Variants in BMPR1B observed in about 807,000 individuals in gnomAD.
BMPR1B encodes bone morphogenetic protein receptor type 1B, also known as bone morphogenetic protein receptor type-1B.
BMPR1B carries 12 observed loss-of-function variants against 59.1 expected under a neutral mutation model. The ratio of observed to expected loss-of-function variants is 0.20; its 90% CI spans 0.13 to 0.33. The LOEUF is 0.33. Ranked by LOEUF, BMPR1B falls within the 10% of genes least tolerant of loss-of-function variation. The pLI, the probability that BMPR1B is intolerant of heterozygous loss-of-function variation, is 1.00. For missense variants in BMPR1B, 550 were observed against 610.9 expected (o/e 0.90, Z 1.05); for synonymous variants, 237 against 207.3 (o/e 1.14, Z -1.23).
intron 3 of BMPR1B, among the ~76,000 whole-genome samples, chr4:95,027,841 A>G (rs574825180): frequency 1.3e-5 from 2 of 152,190 alleles, no homozygotes; most frequent in South Asian, 2.1e-4. Context: ...ATGACCTTTT[A>G]TCTGTGTATT....
intron 10 of BMPR1B, among the ~76,000 whole-genome samples, chr4:95,134,715 GT>G (rs1009165497): frequency 6.6e-6 from 1 of 152,064 alleles, no homozygotes; most frequent in African/African-American, 2.4e-5. Context: ...TGATGGGGTT[GT>G]TTTTTTCTTG....
At chr4:94,838,836 T>C (rs1334436298) in intron 1 of BMPR1B, among the ~76,000 whole-genome samples, 1 of 137,078 alleles carries the variant, frequency 7.3e-6, no homozygotes, top group East Asian at 2.0e-4. Context: ...TTTCTAGTTC[T>C]TTTAATTGTG....
chr4:94,818,781 T>G (rs941868828), intron 1 of BMPR1B, among the ~76,000 whole-genome samples: 1 of 152,064 alleles, frequency 6.6e-6, no homozygotes, highest in African/African-American at 2.4e-5. Flanking sequence ...TAGACTGATT[T>G]TGGGGGAGGG....
At chr4:94,830,865 C>T (rs1230369768) in intron 1 of BMPR1B, among the ~76,000 whole-genome samples, 1 of 152,046 alleles carries the variant, frequency 6.6e-6, no homozygotes, top group Non-Finnish European at 1.5e-5. Flanking sequence ...ACCTGTGCTG[C>T]CAATCATACA....
At chr4:95,038,269 G>T (rs951987239) in intron 3 of BMPR1B, among the ~76,000 whole-genome samples, 47 of 152,150 alleles carry the variant, frequency 3.1e-4, no homozygotes, top group African/African-American at 1.1e-3. Flanking sequence ...GCCCAGTGAG[G>T]TAGCAATTGG....
At chr4:95,067,630 A>G (rs1727935628) in intron 3 of BMPR1B, among the ~76,000 whole-genome samples, 1 of 152,234 alleles carries the variant, frequency 6.6e-6, no homozygotes, top group African/African-American at 2.4e-5. Context: ...AGACGTGTTG[A>G]AAACAATATT....
chr4:95,100,208 C>T (rs1251724233), intron 3 of BMPR1B, among the ~76,000 whole-genome samples: 1 of 152,080 alleles, frequency 6.6e-6, no homozygotes, highest in Non-Finnish European at 1.5e-5. Context: ...TTTATACCTT[C>T]ATTTGGAAGG....
At chr4:94,830,726 C>T (rs1363182324) in intron 1 of BMPR1B, among the ~76,000 whole-genome samples, 3 of 152,162 alleles carry the variant, frequency 2.0e-5, no homozygotes, top group Admixed American at 6.5e-5. Context: ...TTGAGACCCA[C>T]ATGTGTGACA....
At chr4:94,926,076 C>A (rs879572363) in intron 2 of BMPR1B, among the ~76,000 whole-genome samples, 7 of 52,158 alleles carry the variant, frequency 1.3e-4, no homozygotes, top group Non-Finnish European at 1.8e-4. Context: ...TCCCTCCCGT[C>A]TCCCTCCCCT....
chr4:94,937,988 G>A (rs181198144), intron 2 of BMPR1B, among the ~76,000 whole-genome samples: 1 of 152,314 alleles, frequency 6.6e-6, no homozygotes, highest in Non-Finnish European at 1.5e-5. Context: ...AAAGGCAGAT[G>A]TTGATCATTT....
At chr4:94,777,635 A>G (rs1376389218) in intron 1 of BMPR1B, among the ~76,000 whole-genome samples, 1 of 152,192 alleles carries the variant, frequency 6.6e-6, no homozygotes, top group Non-Finnish European at 1.5e-5. Flanking sequence ...GAGATTTAAG[A>G]TGGTTCTGTG....
intron 2 of BMPR1B, among the ~76,000 whole-genome samples, chr4:94,990,663 G>T (rs1442811367): frequency 6.9e-6 from 1 of 144,020 alleles, no homozygotes; most frequent in Non-Finnish European, 1.5e-5. Flanking sequence ...CAACCTCTAT[G>T]CTGGAATGAG....
chr4:95,056,721 G>T (rs1422438456), intron 3 of BMPR1B, among the ~76,000 whole-genome samples: 1 of 152,146 alleles, frequency 6.6e-6, no homozygotes, highest in African/African-American at 2.4e-5. Flanking sequence ...GATATCAGCT[G>T]GCTCCTGACT....
intron 2 of BMPR1B, among the ~76,000 whole-genome samples, chr4:94,881,015 A>G (rs1044972681): frequency 6.6e-6 from 1 of 152,294 alleles, no homozygotes; most frequent in African/African-American, 2.4e-5. Context: ...CTGAAGTTTT[A>G]CCTTGCATAA....
At chr4:95,135,256 T>A (rs1324035637) in intron 10 of BMPR1B, among the ~76,000 whole-genome samples, 1 of 152,210 alleles carries the variant, frequency 6.6e-6, no homozygotes, top group Non-Finnish European at 1.5e-5. Flanking sequence ...GCTGTTTTGG[T>A]TACTGTAGCC....
chr4:94,806,032 C>T (rs1723593033), intron 1 of BMPR1B, among the ~76,000 whole-genome samples: 1 of 152,060 alleles, frequency 6.6e-6, no homozygotes, highest in South Asian at 2.1e-4. Flanking sequence ...AGCAGCAAAC[C>T]ATATATATTG....
chr4:94,818,069 G>A (rs1364602737), intron 1 of BMPR1B, among the ~76,000 whole-genome samples: 1 of 152,096 alleles, frequency 6.6e-6, no homozygotes, highest in Admixed American at 6.6e-5. Flanking sequence ...TGTTAACCCA[G>A]GTTTGAGGGC....
At chr4:95,069,555 A>C (rs1728116708) in intron 3 of BMPR1B, among the ~76,000 whole-genome samples, 1 of 152,142 alleles carries the variant, frequency 6.6e-6, no homozygotes, top group Admixed American at 6.5e-5. Flanking sequence ...TATCCTTTTT[A>C]AATCATGACT....
intron 1 of BMPR1B, among the ~76,000 whole-genome samples, chr4:94,862,067 C>T (rs559226078): frequency 1.3e-5 from 2 of 151,420 alleles, no homozygotes; most frequent in South Asian, 4.2e-4. Flanking sequence ...CAGTACCTGT[C>T]AACCAACACC....
Sources: gnomAD v4.1 joint callset for allele counts (sites outside exome capture counted in the v4.1 genomes callset) on GRCh38, gnomAD v4.1.1 for gene constraint, MANE v1.5 for transcripts, NCBI Gene and HGNC (gene_info 2026-07-23, HGNC 2026-07-21) for gene names.